Variants in CHST10 observed in about 807,000 individuals in gnomAD.
The protein encoded by CHST10 is carbohydrate sulfotransferase 10.
A neutral mutation model predicts 34.7 loss-of-function variants in CHST10; 24 were observed. That is an observed-to-expected ratio of 0.69 (90% CI 0.50 to 0.97). The LOEUF (loss-of-function observed/expected upper bound fraction) is 0.97, where lower values mean the gene tolerates loss of function less well. CHST10 is among the 50% of genes least tolerant of loss of function. The pLI is 0.00. For missense variants in CHST10, 402 were observed against 452.1 expected (o/e 0.89, Z 1.00); for synonymous variants, 161 against 169.3 (o/e 0.95, Z 0.38).
At chr2:100,416,739 C>T in intron 1 of CHST10, 1 of 349,530 alleles carries the variant, frequency 2.9e-6, no homozygotes, top group Admixed American at 3.8e-5. Flanking sequence ...GACAGTCCTG[C>T]CGCTGAGCTA....
chr2:100,400,214 C>T lies in CHST10; in HGVS notation c.193-2072G>A, dbSNP rs566411381. Reference sequence around the variant, plus strand: ...AACAAAGAAAAGATATTAGATATTGCTTTTCTTTTAGCAAAGCATTAGAGA... The same window carrying T: ...AACAAAGAAAAGATATTAGATATTGTTTTTCTTTTAGCAAAGCATTAGAGA... On this transcript the variant is annotated intron_variant, in intron 4 of 6. Coordinates refer to ENST00000264249, the MANE Select transcript of CHST10 (RefSeq NM_004854.5). 6.2e-4 allele frequency among the ~76,000 whole-genome samples: 94 copies of T among 152,314 alleles called. No homozygotes were observed. In the South Asian group the frequency reaches 0.012, roughly 20 times the overall value.
chr2:100,416,334 C>T (rs1453349960), intron 1 of CHST10: 1 of 152,230 alleles, frequency 6.6e-6, no homozygotes, highest in East Asian at 1.9e-4. Flanking sequence ...GCAAACACTC[C>T]AATTTTCATT....
At chr2:100,416,773 T>TC (rs1329465546) in intron 1 of CHST10, 20 of 365,564 alleles carry the variant, frequency 5.5e-5, no homozygotes, top group Non-Finnish European at 5.4e-6. Context: ...TGCACTACTT[T>TC]CCATTCACTG....
At chr2:100,403,036 C>T (rs1481391847) in intron 3 of CHST10, among the ~76,000 whole-genome samples, 1 of 152,152 alleles carries the variant, frequency 6.6e-6, no homozygotes, top group East Asian at 1.9e-4. Context: ...ATTTATGAAC[C>T]ACTTATCTGA....
intron 4 of CHST10, among the ~76,000 whole-genome samples, chr2:100,400,993 T>A (rs1039903263): frequency 3.3e-5 from 5 of 152,232 alleles, no homozygotes; most frequent in African/African-American, 1.2e-4. Flanking sequence ...AATAAACTTT[T>A]AAAGGTGAGC....
intron 2 of CHST10, among the ~76,000 whole-genome samples, chr2:100,410,108 C>G (rs1288406881): frequency 6.6e-6 from 1 of 152,246 alleles, no homozygotes; most frequent in Admixed American, 6.5e-5. Flanking sequence ...TCAAGCACAG[C>G]TGCCTGCCAG....
At chr2:100,393,852 G>A in intron 6 of CHST10, 70 bp from the exon 7 acceptor site, 5 of 1,312,400 alleles carry the variant, frequency 3.8e-6, no homozygotes, top group Admixed American at 1.8e-5. Flanking sequence ...GCGGGAGAGG[G>A]AAGAATGAGC....
chr2:100,398,381 C>A (rs995538777), intron 4 of CHST10, among the ~76,000 whole-genome samples: 2 of 143,332 alleles, frequency 1.4e-5, no homozygotes, highest in Non-Finnish European at 2.9e-5. Flanking sequence ...AGCTTGGTTC[C>A]TCAGATCTTT....
chr2:100,395,431 C>T, intron 6 of CHST10, 78 bp downstream of exon 6: 3 of 1,307,424 alleles, frequency 2.3e-6, no homozygotes, highest in South Asian at 2.4e-5. Context: ...AAGTACAGAA[C>T]TCAGCCTGGG....
At chr2:100,406,527 A>C in intron 3 of CHST10, 49 bp downstream of exon 3, 1 of 1,607,720 alleles carries the variant, frequency 6.2e-7, no homozygotes, top group African/African-American at 1.3e-5. Flanking sequence ...ACAGTGTTGC[A>C]GCTAGGTCTA....
chr2:100,407,292 G>C (rs1037615877), intron 2 of CHST10, among the ~76,000 whole-genome samples: 17 of 152,202 alleles, frequency 1.1e-4, no homozygotes, highest in African/African-American at 3.9e-4. Flanking sequence ...ACTGAGGTGG[G>C]TGTTTTTCAT....
intron 6 of CHST10, 152 bp from the exon 7 acceptor site, chr2:100,393,934 C>T (rs959331049): frequency 1.6e-6 from 1 of 627,610 alleles, no homozygotes; most frequent in Admixed American, 2.9e-5. Flanking sequence ...GTCTCTTAAT[C>T]TACTCCAAGA....
chr2:100,415,895 G>A (rs191444809), intron 1 of CHST10: 18 of 152,294 alleles, frequency 1.2e-4, no homozygotes, highest in Admixed American at 1.2e-3. Context: ...CACACACCTA[G>A]GCTATATGGA....
At chr2:100,403,018 G>GA (rs1675411558) in intron 3 of CHST10, among the ~76,000 whole-genome samples, 1 of 152,142 alleles carries the variant, frequency 6.6e-6, no homozygotes, top group African/African-American at 2.4e-5. Flanking sequence ...TCCAGATAGG[G>GA]AAAAAATATT....
At chr2:100,409,770 G>A (rs926123264) in intron 2 of CHST10, among the ~76,000 whole-genome samples, 2 of 152,166 alleles carry the variant, frequency 1.3e-5, no homozygotes, top group Non-Finnish European at 2.9e-5. Context: ...TCATGCAACT[G>A]ACCATGTATC....
Position 100,415,021 on chromosome 2 carries a change from TCA to T in CHST10, c.-33+18_-33+19del, listed in dbSNP as rs1479069033. The T allele has an allele frequency of 1.5e-6, 2 of 1,299,132 alleles. No individual in the cohort carries two copies. The highest frequency in any genetic ancestry group is 1.0e-6 in the Non-Finnish European group (1 of 986,008). The allele number at this position is 1,299,132 out of a possible 1,614,324, so 80.5% of individuals were successfully genotyped here. On this transcript the variant is annotated intron_variant, in intron 2 of 6. Transcript: ENST00000264249. ...TGGCATGCTCAAATAACTGATGAGC[TCA>T]CATTCTCCTTCACGTACCTTCTGCA...
At chr2:100,395,717 C>A (rs74369108) in intron 5 of CHST10, 103 bp from the exon 6 acceptor site, 2 of 820,596 alleles carry the variant, frequency 2.4e-6, no homozygotes, top group South Asian at 1.7e-5. Context: ...ATGTTCCCCA[C>A]GTGTGCATGA....
Position 100,393,134 on chromosome 2 carries a change from G to A in CHST10, c.*111C>T, listed in dbSNP as rs921342850. ...AACTCACAGGCCTGTGGGAGACCCC[G>A]GGCGTCCTCAAAGGAGGGGTGTGGT... On this transcript the variant is annotated 3_prime_UTR_variant, in exon 7 of 7. Transcript: ENST00000264249. The A allele has an allele frequency of 2.6e-5, 31 of 1,176,684 alleles. No homozygotes were observed. The highest frequency in any genetic ancestry group is 1.8e-4 in the African/African-American group (12 of 64,874). 72.9% of individuals were successfully genotyped at this position (1,176,684 alleles called of 1,614,324 possible).
At position 100,398,276 on chromosome 2, in the gene CHST10, T is replaced by C. The variant is rs190608218; in HGVS notation, c.193-134A>G. 3.7e-3 allele frequency: 2,416 copies of C among 648,130 alleles called. 17 individuals are homozygous for C. Among genetic ancestry groups the C allele is most frequent in the Middle Eastern group, 0.012 (31 of 2,492 alleles). The allele number at this position is 648,130 out of a possible 1,614,324, so 40.1% of individuals were successfully genotyped here. On this transcript the variant is annotated intron_variant, in intron 4 of 6. Coordinates refer to ENST00000264249, the MANE Select transcript of CHST10 (RefSeq NM_004854.5). ...TCTCTTCTTCCCTTCCTTGTCTGTCTACAGAGTGACACCCACTATCCCCAG... is the reference window on the plus strand; with the variant it reads ...TCTCTTCTTCCCTTCCTTGTCTGTCCACAGAGTGACACCCACTATCCCCAG...
Sources: gnomAD v4.1 joint callset for allele counts (sites outside exome capture counted in the v4.1 genomes callset) on GRCh38, gnomAD v4.1.1 for gene constraint, MANE v1.5 for transcripts, NCBI Gene and HGNC (gene_info 2026-07-23, HGNC 2026-07-21) for gene names.